Variants in PHACTR3 observed in about 807,000 individuals in gnomAD.
The protein encoded by PHACTR3 is protein phosphatase 1, regulatory subunit 123.
A neutral mutation model predicts 66.8 loss-of-function variants in PHACTR3; 16 were observed. That is an observed-to-expected ratio of 0.24 (90% CI 0.16 to 0.36). The LOEUF (loss-of-function observed/expected upper bound fraction) is 0.36, where lower values mean the gene tolerates loss of function less well. Among genes scored for constraint, PHACTR3 ranks in the 10% least tolerant of loss-of-function variants. The pLI, the probability that PHACTR3 is intolerant of heterozygous loss-of-function variation, is 1.00. For missense variants in PHACTR3, 647 were observed against 719.9 expected (o/e 0.90, Z 1.16); for synonymous variants, 323 against 292.1 (o/e 1.11, Z -1.08).
At chr20:59,713,567 G>C (rs1314878914) in intron 1 of PHACTR3, among the ~76,000 whole-genome samples, 1 of 152,014 alleles carries the variant, frequency 6.6e-6, no homozygotes, top group Non-Finnish European at 1.5e-5. Flanking sequence ...TTCTAAGATT[G>C]GTCCATGTTA....
At chr20:59,690,933 C>G (rs1484120710) in intron 1 of PHACTR3, among the ~76,000 whole-genome samples, 4 of 152,192 alleles carry the variant, frequency 2.6e-5, no homozygotes, top group Non-Finnish European at 5.9e-5. Flanking sequence ...CAGGGTAACA[C>G]AGTATTGAGG....
chr20:59,826,752 T>C (rs1206953125), intron 8 of PHACTR3, among the ~76,000 whole-genome samples: 3 of 152,114 alleles, frequency 2.0e-5, no homozygotes, highest in Non-Finnish European at 4.4e-5. Context: ...CCCTGCAGGG[T>C]GCGTCTCTCC....
rs142532579 is a variant in PHACTR3, at chr20:59,745,849, G to A, written c.281-1909G>A. Among the ~76,000 whole-genome samples, 359 of 152,310 alleles carry A rather than the reference G, an allele frequency of 2.4e-3. 7 individuals are homozygous for A. Among genetic ancestry groups the A allele is most frequent in the Admixed American group, 0.017 (256 of 15,294 alleles). ...CACTGACGTCCCCATCCCCGAGAGG[G>A]GGAGGGTAGAGCCTCGCAGCTGCAT... is the stretch of plus-strand genomic sequence containing the variant. On this transcript the variant is annotated intron_variant, in intron 2 of 12. Coordinates refer to ENST00000371015, the MANE Select transcript of PHACTR3 (RefSeq NM_080672.5).
intron 1 of PHACTR3, among the ~76,000 whole-genome samples, chr20:59,702,628 G>A (rs552055612): frequency 3.6e-4 from 55 of 152,294 alleles, no homozygotes; most frequent in Admixed American, 9.1e-4. Context: ...GCAGAGGGAG[G>A]GACCACATCT....
At chr20:59,770,628 A>G (rs1255960004) in intron 5 of PHACTR3, among the ~76,000 whole-genome samples, 3 of 152,188 alleles carry the variant, frequency 2.0e-5, no homozygotes, top group South Asian at 2.1e-4. Context: ...CCTGGTTCAT[A>G]GGCCAAATTC....
Position 59,830,236 on chromosome 20 carries a change from G to GGAAGAGGGTATGAGTGTCTGATA in PHACTR3, c.1329-6246_1329-6224dup, listed in dbSNP as rs1200689796. ...ATAGAAGAGGGCGTGAGTGTCTGAT[G>GGAAGAGGGTATGAGTGTCTGATA]GAAGAGGGTATGAGTGTCTGATAGA... On this transcript the variant is annotated intron_variant, in intron 8 of 12. Coordinates refer to ENST00000371015, the MANE Select transcript of PHACTR3 (RefSeq NM_080672.5). This position sits in a 1 kb window ranked among gnomAD's most constrained non-coding sequence, Gnocchi z 5.8. Among the ~76,000 whole-genome samples the GGAAGAGGGTATGAGTGTCTGATA allele has an allele frequency of 7.0e-4, 107 of 152,120 alleles. No individual in the cohort carries two copies. The highest frequency in any genetic ancestry group is 3.7e-3 in the Admixed American group (57 of 15,286).
At position 59,729,542 on chromosome 20, in the gene PHACTR3, T is replaced by G. The variant is rs938013568; in HGVS notation, c.119-13565T>G. Reference sequence around the variant, plus strand: ...CTAGGGGAGTTAGTGATGCATCTGCTAGCCGGGCTGGCCCTCCCTGTGGGC... The same window carrying G: ...CTAGGGGAGTTAGTGATGCATCTGCGAGCCGGGCTGGCCCTCCCTGTGGGC... On this transcript the variant is annotated intron_variant, in intron 1 of 12. Transcript: ENST00000371015. 1.1e-4 allele frequency among the ~76,000 whole-genome samples: 17 copies of G among 152,096 alleles called. 1 individual carries two copies. Among genetic ancestry groups the G allele is most frequent in the Admixed American group, 6.5e-5 (1 of 15,280 alleles).
At chr20:59,635,137 T>TTC (rs772437267) in intron 1 of PHACTR3, among the ~76,000 whole-genome samples, 55 of 78,934 alleles carry the variant, frequency 7.0e-4, no homozygotes, top group African/African-American at 2.1e-3. Flanking sequence ...CTTTCTTTCT[T>TTC]TCTTTCTTTC....
At chr20:59,795,641 G>A (rs1397553493) in intron 7 of PHACTR3, among the ~76,000 whole-genome samples, 1 of 151,978 alleles carries the variant, frequency 6.6e-6, no homozygotes, top group East Asian at 1.9e-4. Context: ...AATAATATGT[G>A]CTTTATATAT....
At chr20:59,774,222 T>C in intron 6 of PHACTR3, 21 bp from the exon 7 acceptor site, 1 of 1,559,140 alleles carries the variant, frequency 6.4e-7, no homozygotes, top group East Asian at 2.2e-5. Flanking sequence ...ACCTATAACC[T>C]GAACCATCTT....
chr20:59,666,374 G>A (rs1364598366), intron 1 of PHACTR3, among the ~76,000 whole-genome samples: 1 of 152,186 alleles, frequency 6.6e-6, no homozygotes, highest in African/African-American at 2.4e-5. Context: ...AGATAGGGTT[G>A]GACATAGCAT....
At chr20:59,705,879 G>C (rs1387548716) in intron 1 of PHACTR3, among the ~76,000 whole-genome samples, 9 of 152,174 alleles carry the variant, frequency 5.9e-5, no homozygotes. Flanking sequence ...TGGCCTTTGA[G>C]CCTGAGGAGG....
chr20:59,577,665 G>A, intron 1 of PHACTR3: 2 of 1,155,050 alleles, frequency 1.7e-6, no homozygotes, highest in African/African-American at 1.6e-5. Context: ...GGCCCGGGGT[G>A]CCCGCCGGGC....
chr20:59,822,762 G>A (rs1467457311), intron 8 of PHACTR3, among the ~76,000 whole-genome samples: 1 of 152,224 alleles, frequency 6.6e-6, no homozygotes, highest in Non-Finnish European at 1.5e-5. Context: ...GCAAGACCCT[G>A]CCTCCAGCTC....
At chr20:59,635,912 G>A (rs1468945441) in intron 1 of PHACTR3, among the ~76,000 whole-genome samples, 1 of 152,228 alleles carries the variant, frequency 6.6e-6, no homozygotes, top group Non-Finnish European at 1.5e-5. Flanking sequence ...GCTCAGTGAT[G>A]AGTGTCCTTG....
intron 5 of PHACTR3, 79 bp from the exon 6 acceptor site, chr20:59,773,200 C>G: frequency 6.7e-7 from 1 of 1,493,206 alleles, no homozygotes; most frequent in Non-Finnish European, 9.1e-7. Context: ...CCTTTCCGCT[C>G]ATGGTCCCCA....
At position 59,755,184 on chromosome 20, in the gene PHACTR3, G is replaced by A; in HGVS notation, c.361G>A (p.Ala121Thr). Residue 121 changes from alanine (A) to threonine (T), a missense_variant and splice_region_variant, in exon 4 of 13, where the codon GCT becomes ACT. This residue lies in a region of PHACTR3 where 577 missense variants were observed against 571.1 expected (regional missense o/e 1.01). Transcript: ENST00000371015. ...KGLLEMMEQD[A>T]ESKTCNPDGG... ...CTGACAGCTACATTTCCTTGTAGAT[G>A]CTGAAAGCAAAACTTGCAACCCCGA... 1 of 1,611,684 alleles carries A rather than the reference G, an allele frequency of 6.2e-7. No individual in the cohort carries two copies. Among genetic ancestry groups the A allele is most frequent in the Non-Finnish European group, 8.5e-7 (1 of 1,179,762 alleles).
intron 7 of PHACTR3, among the ~76,000 whole-genome samples, chr20:59,774,832 C>T (rs2040473848): frequency 6.6e-6 from 1 of 151,032 alleles, no homozygotes. Flanking sequence ...CTGTGGCGAA[C>T]AGTATATAGT....
At chr20:59,698,692 G>T (rs921835701) in intron 1 of PHACTR3, among the ~76,000 whole-genome samples, 4 of 152,180 alleles carry the variant, frequency 2.6e-5, no homozygotes, top group Non-Finnish European at 5.9e-5. Flanking sequence ...GTCAAGGTAT[G>T]ATTTGACTTT....
Sources: allele counts gnomAD v4.1 joint callset (sites outside exome capture counted in the v4.1 genomes callset), GRCh38; gene constraint gnomAD v4.1.1; regional missense constraint gnomAD v4.1.1; non-coding constraint Gnocchi (gnomAD v3.1); transcripts MANE v1.5; gene names NCBI Gene and HGNC (gene_info 2026-07-23, HGNC 2026-07-21).